SH3RF2: variants seen among roughly 807,000 people sequenced by gnomAD.
SH3RF2 encodes the protein SH3 domain containing ring finger 2, also known as E3 ubiquitin-protein ligase SH3RF2.
SH3RF2 carries 43 observed loss-of-function variants against 59.0 expected under a neutral mutation model. The ratio of observed to expected loss-of-function variants is 0.73; its 90% CI spans 0.57 to 0.94. The LOEUF is 0.94. SH3RF2 is among the 40% of genes least tolerant of loss of function. The pLI, the probability that SH3RF2 is intolerant of heterozygous loss-of-function variation, is 0.00. For missense variants in SH3RF2, 930 were observed against 940.1 expected (o/e 0.99, Z 0.14); for synonymous variants, 391 against 391.5 (o/e 1.00, Z 0.01).
At chr5:146,007,056 G>A (rs900863998) in intron 4 of SH3RF2, among the ~76,000 whole-genome samples, 1 of 152,208 alleles carries the variant, frequency 6.6e-6, no homozygotes, top group East Asian at 1.9e-4. Context: ...CAAGTCAGCT[G>A]AGAAGTATAA....
chr5:146,015,880 G>A (rs764342834), intron 5 of SH3RF2, among the ~76,000 whole-genome samples: 1 of 152,314 alleles, frequency 6.6e-6, no homozygotes, highest in East Asian at 1.9e-4. Flanking sequence ...ATTTCTACAT[G>A]TTTGTCCAAA....
At chr5:146,054,292 A>T (rs1561766123) in intron 7 of SH3RF2, among the ~76,000 whole-genome samples, 1 of 152,178 alleles carries the variant, frequency 6.6e-6, no homozygotes, top group Non-Finnish European at 1.5e-5. Flanking sequence ...TTGGTCTATA[A>T]AGAGTCATTC....
intron 2 of SH3RF2, among the ~76,000 whole-genome samples, chr5:145,967,432 T>G (rs942143648): frequency 1.3e-5 from 2 of 152,158 alleles, no homozygotes; most frequent in African/African-American, 4.8e-5. Context: ...ACCTGCCATA[T>G]GCCAGATCCC....
chr5:145,964,059 C>G (rs1758751600), intron 2 of SH3RF2, among the ~76,000 whole-genome samples: 1 of 151,860 alleles, frequency 6.6e-6, no homozygotes, highest in African/African-American at 2.4e-5. Flanking sequence ...GTCTCGATCT[C>G]CTGACCTCGT....
downstream of SH3RF2, among the ~76,000 whole-genome samples, chr5:146,067,909 C>T (rs1156918653): frequency 1.3e-5 from 2 of 152,206 alleles, no homozygotes; most frequent in African/African-American, 2.4e-5. Context: ...TTGGCCGGTG[C>T]CTATGCCATC....
At chr5:145,949,129 T>C (rs1758100219) in intron 2 of SH3RF2, among the ~76,000 whole-genome samples, 1 of 152,128 alleles carries the variant, frequency 6.6e-6, no homozygotes, top group African/African-American at 2.4e-5. Flanking sequence ...AGGGTGTTGC[T>C]TGACTTGAGG....
At chr5:146,057,976 C>CTATA (rs1491563299) in intron 8 of SH3RF2, among the ~76,000 whole-genome samples, 61 of 118,174 alleles carry the variant, frequency 5.2e-4, no homozygotes, top group African/African-American at 1.6e-3. Flanking sequence ...CTCTATCTAT[C>CTATA]TATCTATCTA....
chr5:146,046,378 C>T (rs1461550911), intron 5 of SH3RF2, among the ~76,000 whole-genome samples: 1 of 152,032 alleles, frequency 6.6e-6, no homozygotes, highest in Non-Finnish European at 1.5e-5. Context: ...CTCATACCTA[C>T]ATAAACACAA....
At chr5:146,011,659 G>A (rs111876671) in intron 4 of SH3RF2, among the ~76,000 whole-genome samples, 86,919 of 151,892 alleles carry the variant, frequency 0.57, 25,574 homozygotes, top group Middle Eastern at 0.79. Context: ...ATGGGAGTTC[G>A]CTCATGATTT....
intron 5 of SH3RF2, among the ~76,000 whole-genome samples, chr5:146,034,979 C>A (rs12187381): frequency 0.33 from 50,293 of 151,762 alleles, 8,830 homozygotes; most frequent in Non-Finnish European, 0.39. Context: ...GGTAGTGCAC[C>A]CCTGTAATCT....
intron 2 of SH3RF2, among the ~76,000 whole-genome samples, chr5:145,966,278 G>A (rs971936758): frequency 8.5e-5 from 13 of 152,212 alleles, no homozygotes; most frequent in Non-Finnish European, 1.5e-4. Flanking sequence ...ACATGGCAAA[G>A]AGGGATGACA....
rs61734248 is a variant in SH3RF2, at chr5:145,997,879, C to A, written c.379-2179C>A. On this transcript the variant is annotated intron_variant, in intron 2 of 9. Coordinates refer to ENST00000359120, the MANE Select transcript of SH3RF2 (RefSeq NM_152550.4). ...TTGAAATGCTCAGTGCCCTTGCCAA[C>A]AGAACTCAGCTCTGAAGCAAACACC... 0.011 allele frequency: 11,221 copies of A among 990,124 alleles called. 782 individuals are homozygous for A. The African/African-American group carries it at 0.16, about 14-fold the overall frequency. 61.3% of individuals were successfully genotyped at this position (990,124 alleles called of 1,614,324 possible).
At chr5:145,979,743 G>A (rs962741685) in intron 2 of SH3RF2, among the ~76,000 whole-genome samples, 5 of 152,152 alleles carry the variant, frequency 3.3e-5, no homozygotes, top group Admixed American at 6.6e-5. Context: ...GAATAATAGC[G>A]TTTACCTCAT....
At position 145,949,946 on chromosome 5, in the gene SH3RF2, C is replaced by A. The variant is rs939425323; in HGVS notation, c.378+11640C>A. 3.3e-5 allele frequency among the ~76,000 whole-genome samples: 5 copies of A among 152,178 alleles called. No homozygotes were observed. In the East Asian group the frequency reaches 9.6e-4, roughly 29 times the overall value. The stretch of plus-strand genomic sequence containing the variant: ...AGCTGAGATATTCCTGGGATTCCTA[C>A]CTTCCCATTCCAGTTGCTATCCCAA... On this transcript the variant is annotated intron_variant, in intron 2 of 9. Transcript: ENST00000359120.
chr5:146,044,910 G>C (rs1194952023), intron 5 of SH3RF2, among the ~76,000 whole-genome samples: 2 of 152,172 alleles, frequency 1.3e-5, no homozygotes, highest in East Asian at 3.8e-4. Flanking sequence ...ACTGTTCCAA[G>C]TGGGGGAAAC....
intron 7 of SH3RF2, among the ~76,000 whole-genome samples, chr5:146,052,800 A>G (rs1279564846): frequency 6.6e-6 from 1 of 152,146 alleles, no homozygotes; most frequent in Non-Finnish European, 1.5e-5. Context: ...TCAGGGATGA[A>G]TAATACTGTC....
chr5:146,046,466 A>G (rs1762308959), intron 5 of SH3RF2, among the ~76,000 whole-genome samples: 1 of 152,262 alleles, frequency 6.6e-6, no homozygotes, highest in Non-Finnish European at 1.5e-5. Flanking sequence ...TTATCAGTAG[A>G]TGACTGAAAA....
exon 10 of SH3RF2, chr5:146,079,432 C>A (rs147437640): frequency 6.6e-6 from 1 of 152,288 alleles, no homozygotes; most frequent in Non-Finnish European, 1.5e-5. Flanking sequence ...TCTCTTAAGA[C>A]ATCAATAAGA....
At chr5:146,035,877 C>T (rs1761919525) in intron 5 of SH3RF2, among the ~76,000 whole-genome samples, 1 of 152,142 alleles carries the variant, frequency 6.6e-6, no homozygotes, top group Non-Finnish European at 1.5e-5. Context: ...GCACAGTCTC[C>T]ACTGTCTGTG....
Sources: allele counts gnomAD v4.1 joint callset (sites outside exome capture counted in the v4.1 genomes callset), GRCh38; gene constraint gnomAD v4.1.1; transcripts MANE v1.5; gene names NCBI Gene and HGNC (gene_info 2026-07-23, HGNC 2026-07-21).